LCLAT1: variants seen among roughly 807,000 people sequenced by gnomAD.
LCLAT1 encodes lysocardiolipin acyltransferase 1, also known as 1-AGP acyltransferase 8.
A neutral mutation model predicts 30.7 loss-of-function variants in LCLAT1; 11 were observed. That is an observed-to-expected ratio of 0.36 (90% CI 0.23 to 0.59). The LOEUF (loss-of-function observed/expected upper bound fraction) is 0.59. Among genes scored for constraint, LCLAT1 ranks in the 20% least tolerant of loss-of-function variants. The pLI, the probability that LCLAT1 is intolerant of heterozygous loss-of-function variation, is 0.77. For missense variants in LCLAT1, 402 were observed against 458.6 expected (o/e 0.88, Z 1.13); for synonymous variants, 155 against 151.3 (o/e 1.02, Z -0.18).
At chr2:30,535,681 T>G (rs1424031712) in intron 3 of LCLAT1, among the ~76,000 whole-genome samples, 1 of 152,166 alleles carries the variant, frequency 6.6e-6, no homozygotes, top group African/African-American at 2.4e-5. Context: ...ATGAAAGCTA[T>G]ATCATAAAAT....
intron 3 of LCLAT1, among the ~76,000 whole-genome samples, chr2:30,537,177 C>T (rs1447284998): frequency 6.6e-6 from 1 of 151,822 alleles, no homozygotes; most frequent in African/African-American, 2.4e-5. Flanking sequence ...GTCAGGAGAT[C>T]GAGACCATCC....
intron 3 of LCLAT1, among the ~76,000 whole-genome samples, chr2:30,540,749 C>T (rs1195539091): frequency 6.6e-6 from 1 of 151,660 alleles, no homozygotes; most frequent in East Asian, 1.9e-4. Context: ...ACTGCAATGT[C>T]CGCCTCCCGG....
intron 3 of LCLAT1, among the ~76,000 whole-genome samples, chr2:30,550,109 T>C (rs1664614522): frequency 6.6e-6 from 1 of 152,250 alleles, no homozygotes; most frequent in South Asian, 2.1e-4. Flanking sequence ...TGGCCATTAT[T>C]TGTGTATTTT....
intron 5 of LCLAT1, among the ~76,000 whole-genome samples, chr2:30,613,365 A>G (rs184839590): frequency 6.6e-6 from 1 of 152,214 alleles, no homozygotes; most frequent in East Asian, 1.9e-4. Flanking sequence ...CAGAGAAACC[A>G]ATTAGAAAGT....
chr2:30,489,357 CTT>C lies in LCLAT1; in HGVS notation c.-4-36218_-4-36217del, dbSNP rs11322850. 229 of 146,214 alleles carry C rather than the reference CTT, an allele frequency of 1.6e-3. 1 individual carries two copies. The highest frequency in any genetic ancestry group is 2.3e-3 in the African/African-American group (90 of 39,894). 9.1% of individuals were successfully genotyped at this position (146,214 alleles called of 1,614,324 possible). On this transcript the variant is annotated intron_variant, in intron 1 of 5. Transcript: ENST00000379509. ...CAACTTCTTCACAGTTTCTTTCTTT[CTT>C]TTTTTTTTTTTGAGACGGAGTCTCG... is the stretch of plus-strand genomic sequence containing the variant.
chr2:30,459,499 A>G, intron 1 of LCLAT1: 1 of 762,960 alleles, frequency 1.3e-6, no homozygotes, highest in Non-Finnish European at 2.3e-6. Flanking sequence ...AGCCCGGTGC[A>G]CTGTTCCCAA....
rs557730741 is a variant in LCLAT1, at chr2:30,600,623, T to A, written c.628+32447T>A. On this transcript the variant is annotated intron_variant, in intron 5 of 5. Transcript: ENST00000379509. The stretch of plus-strand genomic sequence containing the variant: ...AAGAATGTTGAATACTGACCCCAAG[T>A]CTCTTCTGGCTTGTAGGGTTTCCAC... Among the ~76,000 whole-genome samples, 4 of 71,314 alleles carry A rather than the reference T, an allele frequency of 5.6e-5. No homozygotes were observed. The East Asian group carries it at 1.7e-3, about 31-fold the overall frequency. The allele number at this position is 71,314 out of a possible 152,430, so 46.8% of individuals were successfully genotyped here.
At chr2:30,463,488 T>G (rs936944600) in intron 1 of LCLAT1, among the ~76,000 whole-genome samples, 1 of 152,206 alleles carries the variant, frequency 6.6e-6, no homozygotes, top group African/African-American at 2.4e-5. Flanking sequence ...TAATGTATAG[T>G]CAGCCCCTCT....
chr2:30,455,909 CAAAAAAAA>C (rs3060184), intron 1 of LCLAT1, among the ~76,000 whole-genome samples: 4 of 60,998 alleles, frequency 6.6e-5, no homozygotes, highest in South Asian at 7.9e-4. Flanking sequence ...GACCCTATAT[CAAAAAAAA>C]AAAAAAAAAA....
At chr2:30,531,702 T>G (rs1039112637) in intron 2 of LCLAT1, among the ~76,000 whole-genome samples, 1 of 152,226 alleles carries the variant, frequency 6.6e-6, no homozygotes, top group Non-Finnish European at 1.5e-5. Flanking sequence ...TTTGGACATA[T>G]AACTTTTCTA....
At chr2:30,531,057 A>T (rs942248154) in intron 2 of LCLAT1, among the ~76,000 whole-genome samples, 1 of 152,100 alleles carries the variant, frequency 6.6e-6, no homozygotes, top group African/African-American at 2.4e-5. Context: ...CAAGTTCAGG[A>T]GTTCAAGACC....
chr2:30,621,904 G>A (rs866367758), intron 5 of LCLAT1, among the ~76,000 whole-genome samples: 3 of 152,180 alleles, frequency 2.0e-5, no homozygotes, highest in African/African-American at 7.2e-5. Context: ...TTCCTGGACG[G>A]AATCTGGTGA....
At chr2:30,629,363 C>A (rs1668656984) in intron 5 of LCLAT1, among the ~76,000 whole-genome samples, 1 of 152,024 alleles carries the variant, frequency 6.6e-6, no homozygotes, top group African/African-American at 2.4e-5. Flanking sequence ...AGTTCGAGAC[C>A]AGCCTGGCCA....
chr2:30,449,541 C>T (rs1388102267), intron 1 of LCLAT1, among the ~76,000 whole-genome samples: 1 of 149,456 alleles, frequency 6.7e-6, no homozygotes, highest in East Asian at 2.0e-4. Context: ...GCTCTTGTTG[C>T]CAGGGCTGGA....
In LCLAT1 at chr2:30,594,628, C is replaced by T. The variant is rs182269986; in HGVS notation, c.628+26452C>T. ...AACCAAAGTTTCCAGGTGTTTACAC[C>T]AAAGTGGCCAGTTACCACTATTGGA... On this transcript the variant is annotated intron_variant, in intron 5 of 5. Transcript: ENST00000379509. 4.6e-4 allele frequency among the ~76,000 whole-genome samples: 70 copies of T among 152,232 alleles called. No homozygotes were observed. The East Asian group carries it at 0.012, about 26-fold the overall frequency.
intron 1 of LCLAT1, among the ~76,000 whole-genome samples, chr2:30,524,233 A>G (rs541384779): frequency 2.6e-5 from 4 of 152,316 alleles, no homozygotes; most frequent in South Asian, 2.1e-4. Context: ...TGTTCTGGCT[A>G]TGAGGACCCC....
Position 30,640,677 on chromosome 2 carries a change from T to G in LCLAT1, c.*58T>G. On this transcript the variant is annotated 3_prime_UTR_variant, in exon 6 of 6. Coordinates refer to ENST00000379509, the MANE Select transcript of LCLAT1 (RefSeq NM_001002257.3). ...CATATTTTGGAAATGTTCTAAACCT[T>G]TCTAAGCTCAGATGCATTTTTGCAT... 6.6e-7 allele frequency: 1 copy of G among 1,509,780 alleles called. No homozygotes were observed. The highest frequency in any genetic ancestry group is 2.3e-5 in the Admixed American group (1 of 43,466). The allele number at this position is 1,509,780 out of a possible 1,614,324, so 93.5% of individuals were successfully genotyped here. A position where few individuals can be genotyped will look rare whatever the true frequency, so the allele number is the denominator to read the frequency against.
intron 1 of LCLAT1, among the ~76,000 whole-genome samples, chr2:30,513,554 A>G (rs1306171446): frequency 6.6e-6 from 1 of 152,020 alleles, no homozygotes; most frequent in Non-Finnish European, 1.5e-5. Context: ...ATTATTCATT[A>G]TTTACTTTTT....
At chr2:30,544,165 C>T (rs1232836439) in intron 3 of LCLAT1, among the ~76,000 whole-genome samples, 1 of 152,164 alleles carries the variant, frequency 6.6e-6, no homozygotes, top group Non-Finnish European at 1.5e-5. Flanking sequence ...ATCTCCCTTC[C>T]CACAAGTGAA....
Sources: allele counts gnomAD v4.1 joint callset (sites outside exome capture counted in the v4.1 genomes callset), GRCh38; gene constraint gnomAD v4.1.1; transcripts MANE v1.5; gene names NCBI Gene and HGNC (gene_info 2026-07-23, HGNC 2026-07-21).